The following ANGPTL1 variants were observed in gnomAD, a reference collection of about 807,000 sequenced individuals.
The protein encoded by ANGPTL1 is angiopoietin like 1.
A neutral mutation model predicts 46.7 loss-of-function variants in ANGPTL1; 36 were observed. The ratio of observed to expected loss-of-function variants is 0.77; its 90% CI spans 0.59 to 1.02. The LOEUF (loss-of-function observed/expected upper bound fraction) is 1.02. ANGPTL1 is among the 50% of genes least tolerant of loss of function. The pLI is 0.00. For missense variants in ANGPTL1, 571 were observed against 594.7 expected (o/e 0.96, Z 0.41); for synonymous variants, 221 against 204.3 (o/e 1.08, Z -0.69).
chr1:178,859,832 C>A (rs1480665659), intron 3 of ANGPTL1, among the ~76,000 whole-genome samples: 6 of 91,750 alleles, frequency 6.5e-5, no homozygotes, highest in East Asian at 3.4e-4. Context: ...CCCCCCCCCC[C>A]CAACCGCCCA....
At chr1:178,859,831 C>A (rs931107239) in intron 3 of ANGPTL1, among the ~76,000 whole-genome samples, 3 of 100,560 alleles carry the variant, frequency 3.0e-5, no homozygotes, top group Non-Finnish European at 4.5e-5. Context: ...CCCCCCCCCC[C>A]CCAACCGCCC....
chr1:178,853,229 A>G (rs575549910), intron 4 of ANGPTL1: 4 of 984,624 alleles, frequency 4.1e-6, no homozygotes, highest in South Asian at 4.7e-5. Context: ...AAATTTATCC[A>G]TAGCTACTAA....
In ANGPTL1 at chr1:178,865,436, T is replaced by G. The variant is rs777536973; in HGVS notation, c.341A>C (p.Asn114Thr). The G allele has an allele frequency of 6.2e-7, 1 of 1,614,052 alleles. No homozygotes were observed. The highest frequency in any genetic ancestry group is 1.1e-5 in the South Asian group (1 of 91,080). ...LVVDVDGNIVNEVKLLRKESR... is the reference protein window; with the variant it reads ...LVVDVDGNIVTEVKLLRKESR... ...TTCCTTTCTCAGCAGCTTTACCTCA[T>G]TCACAATGTTTCCATCTACATCCAC... is the stretch of plus-strand genomic sequence containing the variant. The change falls in exon 3 of 6, where the codon AAT (asparagine) becomes ACT (threonine). Residue 114 changes from asparagine to threonine, a missense_variant. By Grantham distance (65) the Asn-to-Thr change is moderately conservative. Coordinates refer to ENST00000234816, the MANE Select transcript of ANGPTL1 (RefSeq NM_004673.4).
chr1:178,857,442 G>T (rs1334680088), intron 3 of ANGPTL1, among the ~76,000 whole-genome samples: 1 of 152,080 alleles, frequency 6.6e-6, no homozygotes, highest in Non-Finnish European at 1.5e-5. Flanking sequence ...TCAAGTGGGG[G>T]GTGGGAGAAG....
chr1:178,862,518 G>A (rs1458423462), intron 3 of ANGPTL1, among the ~76,000 whole-genome samples: 2 of 152,164 alleles, frequency 1.3e-5, no homozygotes, highest in African/African-American at 4.8e-5. Context: ...ACAGAGAGTA[G>A]AGGTATTCAT....
intron 3 of ANGPTL1, among the ~76,000 whole-genome samples, chr1:178,861,733 A>T (rs1022604603): frequency 1.3e-5 from 2 of 152,246 alleles, no homozygotes; most frequent in African/African-American, 4.8e-5. Context: ...CTGATAAATT[A>T]TATAAAAGCT....
At position 178,870,047 on chromosome 1, in the gene ANGPTL1, T is replaced by C. The variant is rs991947232; in HGVS notation, c.-137+694A>G. Among the ~76,000 whole-genome samples, 4 of 152,176 alleles carry C rather than the reference T, an allele frequency of 2.6e-5. No homozygotes were observed. In the South Asian group the frequency reaches 8.3e-4, roughly 31 times the overall value. ...CATAATGCTTTTGTGTGTATATCAATAACTTAGCTTTTCCAAGTGATTCCA... is the reference window on the plus strand; with the variant it reads ...CATAATGCTTTTGTGTGTATATCAACAACTTAGCTTTTCCAAGTGATTCCA... On this transcript the variant is annotated intron_variant, in intron 1 of 5. Coordinates refer to ENST00000234816, the MANE Select transcript of ANGPTL1 (RefSeq NM_004673.4).
chr1:178,862,298 G>C (rs987266031), intron 3 of ANGPTL1, among the ~76,000 whole-genome samples: 1 of 151,980 alleles, frequency 6.6e-6, no homozygotes, highest in African/African-American at 2.4e-5. Flanking sequence ...CTTTCATGAG[G>C]GTCTTTGGAA....
chr1:178,862,293 A>G (rs1437704141), intron 3 of ANGPTL1, among the ~76,000 whole-genome samples: 1 of 152,214 alleles, frequency 6.6e-6, no homozygotes, highest in Non-Finnish European at 1.5e-5. Context: ...AATTACTTTC[A>G]TGAGGGTCTT....
rs886640470 is a variant in ANGPTL1, at chr1:178,856,425, T to C, written c.824-2638A>G. On this transcript the variant is annotated intron_variant, in intron 3 of 5. Coordinates refer to ENST00000234816, the MANE Select transcript of ANGPTL1 (RefSeq NM_004673.4). Reference sequence around the variant, plus strand: ...TTTTTTTTTTTTTTTTTTTTTTTTTTTGAGAGATGAGGTCTTGGTACATTG... The same window carrying C: ...TTTTTTTTTTTTTTTTTTTTTTTTTCTGAGAGATGAGGTCTTGGTACATTG... Among the ~76,000 whole-genome samples, 8 of 126,532 alleles carry C rather than the reference T, an allele frequency of 6.3e-5. No homozygotes were observed. In the East Asian group the frequency reaches 1.4e-3, roughly 22 times the overall value. 83.0% of individuals were successfully genotyped at this position (126,532 alleles called of 152,430 possible). A position where few individuals can be genotyped will look rare whatever the true frequency, so the allele number is the denominator to read the frequency against.
At chr1:178,855,151 A>G (rs1220654535) in intron 3 of ANGPTL1, among the ~76,000 whole-genome samples, 2 of 152,130 alleles carry the variant, frequency 1.3e-5, no homozygotes, top group African/African-American at 4.8e-5. Flanking sequence ...TGTGTTATCT[A>G]TACTTTGCCA....
chr1:178,857,072 A>G lies in ANGPTL1; in HGVS notation c.824-3285T>C, dbSNP rs200468869. Among the ~76,000 whole-genome samples the G allele has an allele frequency of 9.8e-5, 15 of 152,332 alleles. No individual in the cohort carries two copies. The East Asian group carries it at 2.7e-3, about 27-fold the overall frequency. ...GTAGTCAAGTAGGAAGGAAGGGTAA[A>G]GAGCCTATATTTCAGAAAAGATGAA... On this transcript the variant is annotated intron_variant, in intron 3 of 5. Coordinates refer to ENST00000234816, the MANE Select transcript of ANGPTL1 (RefSeq NM_004673.4).
Position 178,865,675 on chromosome 1 carries a change from T to C in ANGPTL1, c.102A>G (p.Arg34=). ...GQFKIKKINQ[R]RYPRATDGKE... ...TACCATCTGTGGCACGAGGGTATCT[T>C]CTCTGGTTTATTTTTTTAATTTTGA... is the stretch of plus-strand genomic sequence containing the variant. The change falls in exon 3 of 6, where the codon AGA becomes AGG. Residue 34 remains arginine, a synonymous_variant. Coordinates refer to ENST00000234816, the MANE Select transcript of ANGPTL1 (RefSeq NM_004673.4). 1.2e-6 allele frequency: 2 copies of C among 1,614,086 alleles called. No individual in the cohort carries two copies. Among genetic ancestry groups the C allele is most frequent in the African/African-American group, 1.3e-5 (1 of 75,034 alleles).
In ANGPTL1 at chr1:178,849,681, G is replaced by A. The variant is rs1361632524; in HGVS notation, c.*1448C>T. 1 of 152,140 alleles carries A rather than the reference G, an allele frequency of 6.6e-6. No individual in the cohort carries two copies. The highest frequency in any genetic ancestry group is 1.5e-5 in the Non-Finnish European group (1 of 68,030). The allele number at this position is 152,140 out of a possible 1,614,324, so 9.4% of individuals were successfully genotyped here. The stretch of plus-strand genomic sequence containing the variant: ...AAAAACCAGTTTAAGATGACCACAG[G>A]TAAAACAAAGAATAATACCACTATG... On this transcript the variant is annotated 3_prime_UTR_variant, in exon 6 of 6. Coordinates refer to ENST00000234816, the MANE Select transcript of ANGPTL1 (RefSeq NM_004673.4).
At chr1:178,857,051 T>C (rs138815300) in intron 3 of ANGPTL1, among the ~76,000 whole-genome samples, 129 of 152,258 alleles carry the variant, frequency 8.5e-4, no homozygotes, top group African/African-American at 3.1e-3. Context: ...TGCATTGTAG[T>C]CAAGTAGGAA....
intron 2 of ANGPTL1, among the ~76,000 whole-genome samples, chr1:178,867,595 TTA>T (rs1658494350): frequency 1.3e-5 from 2 of 152,058 alleles, no homozygotes; most frequent in South Asian, 4.1e-4. Context: ...AGTCTTAAGT[TTA>T]TGTTTCTTGT....
chr1:178,856,016 G>T (rs1201051050), intron 3 of ANGPTL1, among the ~76,000 whole-genome samples: 1 of 148,430 alleles, frequency 6.7e-6, no homozygotes, highest in African/African-American at 2.5e-5. Context: ...TTAGAACAAA[G>T]AATGTATAAA....
chr1:178,863,996 G>T (rs151038371), intron 3 of ANGPTL1, among the ~76,000 whole-genome samples: 56 of 152,158 alleles, frequency 3.7e-4, no homozygotes, highest in African/African-American at 1.3e-3. Context: ...TTATTTACTC[G>T]TTGCTTTGGG....
At chr1:178,859,516 G>A (rs1048144500) in intron 3 of ANGPTL1, among the ~76,000 whole-genome samples, 2 of 144,462 alleles carry the variant, frequency 1.4e-5, no homozygotes, top group African/African-American at 2.6e-5. Flanking sequence ...CAATTTTCCT[G>A]CCTCAGCCTC....
Sources: allele counts gnomAD v4.1 joint callset (sites outside exome capture counted in the v4.1 genomes callset), GRCh38; gene constraint gnomAD v4.1.1; transcripts MANE v1.5; gene names NCBI Gene and HGNC (gene_info 2026-07-23, HGNC 2026-07-21).